CCDC138: variants seen among roughly 807,000 people sequenced by gnomAD.
CCDC138 encodes the protein coiled-coil domain containing 138.
A neutral mutation model predicts 82.3 loss-of-function variants in CCDC138; 66 were observed. The observed-to-expected ratio is 0.80, with a 90% CI of 0.66 to 0.98. CCDC138 has a LOEUF of 0.98. CCDC138 is among the 50% of genes least tolerant of loss of function. CCDC138 has a pLI of 0.00. For synonymous variants in CCDC138, 297 were observed against 265.4 expected (o/e 1.12, Z -1.16); for missense variants, 816 against 758.9 (o/e 1.08, Z -0.88).
At chr2:108,797,304 G>A (rs1370900888) in intron 5 of CCDC138, among the ~76,000 whole-genome samples, 4 of 152,166 alleles carry the variant, frequency 2.6e-5, no homozygotes. Flanking sequence ...TAGGAGAATG[G>A]TGTCATGGAA....
chr2:108,884,585 A>T (rs1696377385), intron 2 of CCDC138: 1 of 152,206 alleles, frequency 6.6e-6, no homozygotes, highest in East Asian at 1.9e-4. Context: ...AGCGTATTTC[A>T]TGTAGGAACC....
intron 13 of CCDC138, among the ~76,000 whole-genome samples, chr2:108,864,568 C>T (rs140611511): frequency 0.056 from 8,480 of 152,036 alleles, 649 homozygotes; most frequent in African/African-American, 0.18. Flanking sequence ...GAGGCCAAGG[C>T]GGGCAGATCA....
intron 10 of CCDC138, among the ~76,000 whole-genome samples, chr2:108,837,924 A>AT (rs772581537): frequency 2.2e-3 from 325 of 144,638 alleles, no homozygotes; most frequent in African/African-American, 3.2e-3. Context: ...AATTTTTTCG[A>AT]TTTTTTTTTT....
Position 108,861,021 on chromosome 2 carries a change from G to A in CCDC138, c.1693+4051G>A, listed in dbSNP as rs1204823598. 2.2e-5 allele frequency among the ~76,000 whole-genome samples: 3 copies of A among 134,552 alleles called. No individual in the cohort carries two copies. The East Asian group carries it at 7.0e-4, about 31-fold the overall frequency. The allele number at this position is 134,552 out of a possible 152,430, so 88.3% of individuals were successfully genotyped here. Reference sequence around the variant, plus strand: ...GGAGCTCAATACTGGTCTGTTCAGGGTTTCAATTTCTTCCTGATTCAATCT... The same window carrying A: ...GGAGCTCAATACTGGTCTGTTCAGGATTTCAATTTCTTCCTGATTCAATCT... On this transcript the variant is annotated intron_variant, in intron 13 of 14. Coordinates refer to ENST00000295124, the MANE Select transcript of CCDC138 (RefSeq NM_144978.3).
chr2:108,849,252 A>G (rs1691014080), intron 12 of CCDC138, among the ~76,000 whole-genome samples: 1 of 152,228 alleles, frequency 6.6e-6, no homozygotes, highest in South Asian at 2.1e-4. Context: ...TTCTAATATT[A>G]TGTACTTAGA....
At chr2:108,862,992 C>CT (rs1379789436) in intron 13 of CCDC138, among the ~76,000 whole-genome samples, 1 of 152,092 alleles carries the variant, frequency 6.6e-6, no homozygotes, top group Non-Finnish European at 1.5e-5. Flanking sequence ...AAACTTTGGA[C>CT]TATACTCCAG....
intron 4 of CCDC138, 138 bp downstream of exon 4, chr2:108,791,940 T>G: frequency 1.2e-6 from 1 of 852,970 alleles, no homozygotes; most frequent in Non-Finnish European, 1.7e-6. Context: ...AGCTAGGAGA[T>G]AGTTACTGTG....
intron 7 of CCDC138, among the ~76,000 whole-genome samples, chr2:108,811,287 T>C (rs10188152): frequency 0.8 from 110,823 of 138,418 alleles, 44,722 homozygotes; most frequent in East Asian, 0.95. Context: ...GTCTCCCAGG[T>C]TGAAGTGCAG....
intron 11 of CCDC138, among the ~76,000 whole-genome samples, chr2:108,841,076 T>G (rs1178573969): frequency 6.6e-6 from 1 of 152,148 alleles, no homozygotes; most frequent in Non-Finnish European, 1.5e-5. Flanking sequence ...CCTCAAGTGA[T>G]CTGCCCACTT....
intron 11 of CCDC138, among the ~76,000 whole-genome samples, chr2:108,845,745 G>T (rs1690340419): frequency 6.6e-6 from 1 of 151,834 alleles, no homozygotes; most frequent in Admixed American, 6.6e-5. Flanking sequence ...CTATTTTTTT[G>T]TATTTTTAGT....
At chr2:108,795,199 G>C (rs1680672061) in intron 5 of CCDC138, among the ~76,000 whole-genome samples, 1 of 113,564 alleles carries the variant, frequency 8.8e-6, no homozygotes, top group Non-Finnish European at 1.6e-5. Context: ...GTATCACCCA[G>C]GCTGGAGTGC....
chr2:108,793,740 G>C (rs1408302633), intron 4 of CCDC138, among the ~76,000 whole-genome samples: 1 of 151,770 alleles, frequency 6.6e-6, no homozygotes, highest in Non-Finnish European at 1.5e-5. Context: ...GGGACTACAG[G>C]CACCCGCCAT....
chr2:108,834,238 A>T (rs531568384), intron 10 of CCDC138, among the ~76,000 whole-genome samples: 19 of 143,180 alleles, frequency 1.3e-4, no homozygotes, highest in Non-Finnish European at 2.5e-4. Context: ...TTTGAGACAG[A>T]GTCTCGCTCT....
intron 10 of CCDC138, among the ~76,000 whole-genome samples, chr2:108,824,922 T>C (rs1029859897): frequency 6.6e-6 from 1 of 152,218 alleles, no homozygotes; most frequent in Non-Finnish European, 1.5e-5. Flanking sequence ...CGAAATGTTA[T>C]GCAGTGCGTG....
chr2:108,844,367 A>G (rs1690085401), intron 11 of CCDC138, among the ~76,000 whole-genome samples: 1 of 151,838 alleles, frequency 6.6e-6, no homozygotes, highest in African/African-American at 2.4e-5. Context: ...TGAGACTGTT[A>G]TTGTATTTCC....
At chr2:108,846,197 C>T (rs1039338296) in intron 11 of CCDC138, among the ~76,000 whole-genome samples, 12 of 152,026 alleles carry the variant, frequency 7.9e-5, no homozygotes, top group Admixed American at 7.9e-4. Context: ...CACCTCTGTT[C>T]CCTTGCTATT....
intron 5 of CCDC138, among the ~76,000 whole-genome samples, chr2:108,796,359 A>G (rs1459976409): frequency 6.6e-6 from 1 of 152,140 alleles, no homozygotes; most frequent in Non-Finnish European, 1.5e-5. Context: ...TGGCCAAATC[A>G]GTCTATAGTT....
chr2:108,865,472 C>T (rs1420133963), intron 13 of CCDC138, among the ~76,000 whole-genome samples: 1 of 152,132 alleles, frequency 6.6e-6, no homozygotes, highest in African/African-American at 2.4e-5. Flanking sequence ...CCTTGACATT[C>T]TCTGTTGATG....
intron 13 of CCDC138, among the ~76,000 whole-genome samples, chr2:108,861,438 T>C (rs1693585491): frequency 6.6e-6 from 1 of 151,872 alleles, no homozygotes; most frequent in East Asian, 1.9e-4. Context: ...TTTTTCTTTT[T>C]TTATGTAGAC....
Sources: allele counts gnomAD v4.1 joint callset (sites outside exome capture counted in the v4.1 genomes callset), GRCh38; gene constraint gnomAD v4.1.1; transcripts MANE v1.5; gene names NCBI Gene and HGNC (gene_info 2026-07-23, HGNC 2026-07-21).